The following GOLGA1 variants were observed in gnomAD, a reference collection of about 807,000 sequenced individuals.
GOLGA1 encodes golgin A1.
A neutral mutation model predicts 119.7 loss-of-function variants in GOLGA1; 63 were observed. That is an observed-to-expected ratio of 0.53 (90% confidence interval 0.43 to 0.65). The LOEUF is 0.65. GOLGA1 is among the 30% of genes least tolerant of loss of function. The pLI is 0.00. For missense variants in GOLGA1, 798 were observed against 912.8 expected (o/e 0.87, Z 1.62); for synonymous variants, 318 against 333.4 (o/e 0.95, Z 0.50).
rs778455104 is a variant in GOLGA1, at chr9:124,888,418, T to G, written c.1762-22A>C. 10 of 1,612,964 alleles carry G rather than the reference T, an allele frequency of 6.2e-6. No individual in the cohort carries two copies. The highest frequency in any genetic ancestry group is 8.5e-6 in the Non-Finnish European group (10 of 1,179,204). ...TCACCTACAAGGTGGCAGCAGCAAATTGAGAGCCAGGACAGGTCAGGTGAA... is the reference window on the plus strand; with the variant it reads ...TCACCTACAAGGTGGCAGCAGCAAAGTGAGAGCCAGGACAGGTCAGGTGAA... On this transcript the variant is annotated intron_variant, in intron 18 of 22. Coordinates refer to ENST00000373555, the MANE Select transcript of GOLGA1 (RefSeq NM_002077.4). The surrounding 1 kb of genome is among the most constrained non-coding windows in gnomAD (Gnocchi z 4.4).
chr9:124,879,148 T>C lies in GOLGA1; in HGVS notation c.*1382A>G, dbSNP rs1285483101. 2 of 152,240 alleles carry C rather than the reference T, an allele frequency of 1.3e-5. No individual in the cohort carries two copies. 9.4% of individuals were successfully genotyped at this position (152,240 alleles called of 1,614,324 possible). A position where few individuals can be genotyped will look rare whatever the true frequency, so the allele number is the denominator to read the frequency against. ...TATATACCTATTTTGGCCCTAAGCA[T>C]GATTGAGAAATACAACTTTCCATCA... is the stretch of plus-strand genomic sequence containing the variant. On this transcript the variant is annotated 3_prime_UTR_variant, in exon 23 of 23. Coordinates refer to ENST00000373555, the MANE Select transcript of GOLGA1 (RefSeq NM_002077.4).
rs562482384 is a variant in GOLGA1, at chr9:124,921,703, C to T, written c.731+20G>A. 1 of 1,598,116 alleles carries T rather than the reference C, an allele frequency of 6.3e-7. No individual in the cohort carries two copies. Among genetic ancestry groups the T allele is most frequent in the Admixed American group, 1.7e-5 (1 of 57,918 alleles). ...TACACTAACACCTCTTCCCAAGGGCCCCACAGACCAAGCAAGAACCTCTGC... is the reference window on the plus strand; with the variant it reads ...TACACTAACACCTCTTCCCAAGGGCTCCACAGACCAAGCAAGAACCTCTGC... On this transcript the variant is annotated intron_variant, in intron 9 of 22. Transcript: ENST00000373555.
chr9:124,945,738 A>T (rs138255024), upstream of GOLGA1: 1 of 152,328 alleles, frequency 6.6e-6, no homozygotes, highest in East Asian at 1.9e-4. Context: ...GATTGATTCC[A>T]TTCACACATC....
intron 15 of GOLGA1, among the ~76,000 whole-genome samples, chr9:124,895,101 ACCCTCCACAACAGAG>A (rs1829936999): frequency 6.7e-6 from 1 of 149,118 alleles, no homozygotes; most frequent in Non-Finnish European, 1.5e-5. Flanking sequence ...CACAACAGAG[ACCCTCCACAACAGAG>A]ACTCTCCACA....
At chr9:124,945,248 A>T (rs1831127745), upstream of GOLGA1, 1 of 152,162 alleles carries the variant, frequency 6.6e-6, no homozygotes, top group South Asian at 2.1e-4. Flanking sequence ...AAGTAGTCTG[A>T]TAACTATTAA....
In GOLGA1 at chr9:124,888,147, G is replaced by A. The variant is rs780831715; in HGVS notation, c.1905+106C>T. 3.0e-6 allele frequency: 3 copies of A among 1,012,332 alleles called. No individual in the cohort carries two copies. Among genetic ancestry groups the A allele is most frequent in the South Asian group, 1.4e-5 (1 of 70,484 alleles). The allele number at this position is 1,012,332 out of a possible 1,614,324, so 62.7% of individuals were successfully genotyped here. ...GTGAGAGGGGTCATGGTTGCCAGGAGGTGCGGGGGAAACCACAAAAACCTC... is the reference window on the plus strand; with the variant it reads ...GTGAGAGGGGTCATGGTTGCCAGGAAGTGCGGGGGAAACCACAAAAACCTC... On this transcript the variant is annotated intron_variant, in intron 19 of 22. Transcript: ENST00000373555. The surrounding 1 kb of genome is among the most constrained non-coding windows in gnomAD (Gnocchi z 4.4).
chr9:124,880,463 GGT>G lies in GOLGA1; in HGVS notation c.*65_*66del. ...CAGTGATTAAAAACCCACCCAGACT[GGT>G]GTGTCAGTGTTCTTTTCACAGAAAA... On this transcript the variant is annotated 3_prime_UTR_variant, in exon 23 of 23. Transcript: ENST00000373555. 3.5e-6 allele frequency: 3 copies of G among 857,378 alleles called. No homozygotes were observed. Among genetic ancestry groups the G allele is most frequent in the Non-Finnish European group, 6.1e-6 (3 of 491,918 alleles). 53.1% of individuals were successfully genotyped at this position (857,378 alleles called of 1,614,324 possible).
At chr9:124,948,039 A>G (rs1389920130), upstream of GOLGA1, 1 of 152,092 alleles carries the variant, frequency 6.6e-6, no homozygotes, top group Non-Finnish European at 1.5e-5. Context: ...TATATCACAC[A>G]TGTCAGAGAT....
intron 3 of GOLGA1, among the ~76,000 whole-genome samples, chr9:124,936,976 T>C (rs1430415292): frequency 6.6e-6 from 1 of 152,204 alleles, no homozygotes; most frequent in Non-Finnish European, 1.5e-5. Flanking sequence ...ATACAAAATT[T>C]AGAATAGTGG....
upstream of GOLGA1, chr9:124,942,651 T>C (rs1324562089): frequency 6.6e-6 from 1 of 151,734 alleles, no homozygotes; most frequent in African/African-American, 2.4e-5. Flanking sequence ...ATACACTTAA[T>C]ATATATGTGG....
chr9:124,901,027 A>C (rs1830093000), intron 12 of GOLGA1, among the ~76,000 whole-genome samples: 1 of 145,448 alleles, frequency 6.9e-6, no homozygotes, highest in Admixed American at 7.1e-5. Flanking sequence ...GCTGGAGTGC[A>C]GTGGCATGAT....
intron 14 of GOLGA1, 27 bp from the exon 15 acceptor site, chr9:124,898,671 A>G (rs1373437695): frequency 2.2e-6 from 3 of 1,380,994 alleles, no homozygotes; most frequent in Admixed American, 3.4e-5. Context: ...ACACATATAA[A>G]AGAAGTCTTC....
intron 6 of GOLGA1, 141 bp downstream of exon 6, chr9:124,928,047 C>A: frequency 2.0e-6 from 1 of 507,832 alleles, no homozygotes; most frequent in Non-Finnish European, 3.5e-6. Context: ...AAGAAAAGGC[C>A]AAAGAAAACC....
chr9:124,945,251 AC>A (rs1831127787), upstream of GOLGA1: 1 of 152,204 alleles, frequency 6.6e-6, no homozygotes, highest in Non-Finnish European at 1.5e-5. Context: ...TAGTCTGATA[AC>A]TATTAAAAAG....
At chr9:124,902,100 G>A (rs1830118661) in intron 12 of GOLGA1, among the ~76,000 whole-genome samples, 1 of 152,106 alleles carries the variant, frequency 6.6e-6, no homozygotes, top group African/African-American at 2.4e-5. Flanking sequence ...TCTGGCCTTG[G>A]GGAGCTTTAT....
At chr9:124,895,184 T>C (rs1356478057) in intron 15 of GOLGA1, among the ~76,000 whole-genome samples, 4 of 118,480 alleles carry the variant, frequency 3.4e-5, no homozygotes, top group African/African-American at 1.4e-4. Flanking sequence ...ACAGAGACCC[T>C]CCATAACAGA....
At chr9:124,890,259 T>C (rs988899307) in intron 16 of GOLGA1, 130 bp downstream of exon 16, 2 of 663,720 alleles carry the variant, frequency 3.0e-6, no homozygotes, top group African/African-American at 1.8e-5. Flanking sequence ...GCTGACTGCA[T>C]TCCCTGAGTC....
intron 6 of GOLGA1, among the ~76,000 whole-genome samples, chr9:124,927,267 A>G (rs1407165853): frequency 6.6e-6 from 1 of 152,220 alleles, no homozygotes; most frequent in Non-Finnish European, 1.5e-5. Context: ...AAAAAGAATT[A>G]TGCCCCTTAT....
chr9:124,918,733 G>C (rs1830502226), intron 10 of GOLGA1, among the ~76,000 whole-genome samples: 1 of 152,014 alleles, frequency 6.6e-6, no homozygotes, highest in South Asian at 2.1e-4. Context: ...TCCAGCCTAG[G>C]TGACAAAGTG....
Sources: gnomAD v4.1 joint callset for allele counts (sites outside exome capture counted in the v4.1 genomes callset) on GRCh38, gnomAD v4.1.1 for gene constraint, Gnocchi (gnomAD v3.1) non-coding constraint, MANE v1.5 for transcripts, NCBI Gene and HGNC (gene_info 2026-07-23, HGNC 2026-07-21) for gene names.